EVI5: variants seen among roughly 807,000 people sequenced by gnomAD.
EVI5 encodes the protein ecotropic viral integration site 5.
A neutral mutation model predicts 112.0 loss-of-function variants in EVI5; 73 were observed. The observed-to-expected ratio is 0.65, with a 90% CI of 0.54 to 0.79. The LOEUF is 0.79. Among genes scored for constraint, EVI5 ranks in the 30% least tolerant of loss-of-function variants. The pLI is 0.00. For missense variants in EVI5, 900 were observed against 968.8 expected (o/e 0.93, Z 0.94); for synonymous variants, 305 against 319.9 (o/e 0.95, Z 0.50).
At chr1:92,612,666 C>T (rs1009457086) in intron 16 of EVI5, among the ~76,000 whole-genome samples, 9 of 147,340 alleles carry the variant, frequency 6.1e-5, no homozygotes, top group African/African-American at 2.3e-4. Context: ...GCTGAGATCG[C>T]GCCACTGCAC....
chr1:92,746,569 T>C (rs896923703), intron 1 of EVI5, among the ~76,000 whole-genome samples: 1 of 151,806 alleles, frequency 6.6e-6, no homozygotes, highest in Non-Finnish European at 1.5e-5. Context: ...CCACTAAAAA[T>C]ACAAAAATTA....
At chr1:92,630,426 G>C (rs896240854) in intron 14 of EVI5, among the ~76,000 whole-genome samples, 1 of 152,184 alleles carries the variant, frequency 6.6e-6, no homozygotes, top group African/African-American at 2.4e-5. Flanking sequence ...CAGTGATGAT[G>C]AGCATTTTTT....
At chr1:92,540,518 T>C (rs1004075058) in intron 19 of EVI5, among the ~76,000 whole-genome samples, 2 of 152,250 alleles carry the variant, frequency 1.3e-5, no homozygotes, top group African/African-American at 4.8e-5. Flanking sequence ...ATCCATTTTA[T>C]AACTGGGTTA....
intron 19 of EVI5, among the ~76,000 whole-genome samples, chr1:92,543,149 G>T (rs991354511): frequency 1.3e-5 from 2 of 152,142 alleles, no homozygotes; most frequent in Non-Finnish European, 2.9e-5. Flanking sequence ...ATCTTCCTCC[G>T]GTATAAGACT....
chr1:92,594,334 A>C (rs1318703809), intron 18 of EVI5, among the ~76,000 whole-genome samples: 13 of 151,958 alleles, frequency 8.6e-5, no homozygotes, highest in African/African-American at 1.2e-4. Context: ...CCTGTTTAAT[A>C]AATGGTGCTG....
intron 1 of EVI5, among the ~76,000 whole-genome samples, chr1:92,745,264 A>G (rs767564768): frequency 1.1e-4 from 17 of 152,114 alleles, no homozygotes; most frequent in Non-Finnish European, 2.1e-4. Context: ...TGCAAAACAA[A>G]TTCTGAGAAA....
intron 19 of EVI5, among the ~76,000 whole-genome samples, chr1:92,560,590 C>T (rs1254231169): frequency 2.0e-5 from 3 of 151,936 alleles, no homozygotes; most frequent in Non-Finnish European, 2.9e-5. Flanking sequence ...TGCTTTGACA[C>T]CCAGGCTGGA....
At chr1:92,703,670 G>C in intron 3 of EVI5, 51 bp from the exon 4 acceptor site, 5 of 1,139,704 alleles carry the variant, frequency 4.4e-6, no homozygotes, top group South Asian at 4.3e-5. Context: ...GTCCTATCTT[G>C]CAAGCCAAGG....
intron 1 of EVI5, among the ~76,000 whole-genome samples, chr1:92,748,898 TC>T (rs1679751211): frequency 6.6e-6 from 1 of 151,794 alleles, no homozygotes; most frequent in Non-Finnish European, 1.5e-5. Flanking sequence ...AAACCCCATC[TC>T]TACTAAAAAT....
At chr1:92,722,278 T>C (rs1180520135) in intron 2 of EVI5, among the ~76,000 whole-genome samples, 2 of 152,166 alleles carry the variant, frequency 1.3e-5, no homozygotes, top group African/African-American at 4.8e-5. Flanking sequence ...CTTATCTAAC[T>C]GATATTTCAT....
intron 19 of EVI5, among the ~76,000 whole-genome samples, chr1:92,541,278 A>G (rs1274401811): frequency 6.6e-6 from 1 of 152,144 alleles, no homozygotes; most frequent in African/African-American, 2.4e-5. Flanking sequence ...TATGTAAAGA[A>G]CTCTTGCAAC....
At chr1:92,601,335 T>A (rs1284018842) in intron 18 of EVI5, among the ~76,000 whole-genome samples, 2 of 152,190 alleles carry the variant, frequency 1.3e-5, no homozygotes, top group Non-Finnish European at 2.9e-5. Context: ...ACAGATGATA[T>A]GATCTAACAA....
At chr1:92,573,975 A>G (rs1216658994) in intron 18 of EVI5, among the ~76,000 whole-genome samples, 1 of 152,120 alleles carries the variant, frequency 6.6e-6, no homozygotes, top group African/African-American at 2.4e-5. Flanking sequence ...TAAAGAGACC[A>G]TGGCAATAAA....
chr1:92,649,683 A>G (rs938328815), intron 13 of EVI5, among the ~76,000 whole-genome samples: 2 of 151,992 alleles, frequency 1.3e-5, no homozygotes, highest in Non-Finnish European at 2.9e-5. Context: ...GCATGGTGGC[A>G]TGTGCCTGTA....
intron 10 of EVI5, among the ~76,000 whole-genome samples, chr1:92,670,175 A>G (rs950423487): frequency 1.3e-5 from 2 of 152,238 alleles, no homozygotes; most frequent in African/African-American, 4.8e-5. Context: ...GGAAATAATA[A>G]TAGGAGACAA....
Position 92,689,688 on chromosome 1 carries a change from T to C in EVI5, c.1097+4114A>G, listed in dbSNP as rs112940512. On this transcript the variant is annotated intron_variant, in intron 9 of 19. Transcript: ENST00000684568. ...GTGGCCACAATAAGAACTCTTACAC[T>C]GCCGGGTTAGACTATAGATTAGTGT... Among the ~76,000 whole-genome samples the C allele has an allele frequency of 7.6e-4, 115 of 152,254 alleles. 2 individuals are homozygous for C. Among genetic ancestry groups the C allele is most frequent in the African/African-American group, 2.6e-3 (110 of 41,542 alleles).
At chr1:92,646,499 A>G (rs758735954) in intron 13 of EVI5, among the ~76,000 whole-genome samples, 7 of 152,216 alleles carry the variant, frequency 4.6e-5, no homozygotes, top group African/African-American at 7.2e-5. Flanking sequence ...ATGGCTGAAC[A>G]TTACAGGGGA....
intron 1 of EVI5, among the ~76,000 whole-genome samples, chr1:92,757,871 T>C (rs1010923235): frequency 8.4e-6 from 1 of 119,164 alleles, no homozygotes; most frequent in Non-Finnish European, 1.6e-5. Flanking sequence ...CACTGCACAA[T>C]CCAGCCTGGG....
At chr1:92,532,843 A>G (rs12564335) in intron 19 of EVI5, among the ~76,000 whole-genome samples, 6,462 of 152,212 alleles carry the variant, frequency 0.042, 400 homozygotes, top group African/African-American at 0.14. Context: ...GGAAAGATCT[A>G]AAATTGACAC....
Sources: gnomAD v4.1 joint callset for allele counts (sites outside exome capture counted in the v4.1 genomes callset) on GRCh38, gnomAD v4.1.1 for gene constraint, MANE v1.5 for transcripts, NCBI Gene and HGNC (gene_info 2026-07-23, HGNC 2026-07-21) for gene names.